The following FOCAD variants were observed in gnomAD, a reference collection of about 807,000 sequenced individuals.
FOCAD encodes the protein focadhesin, also known as KIAA1797.
Under a neutral mutation model 225.6 loss-of-function variants are expected in FOCAD, and 198 were observed. The observed-to-expected ratio is 0.88, with a 90% CI of 0.78 to 0.99. The LOEUF is 0.99. Among genes scored for constraint, FOCAD ranks in the 50% least tolerant of loss-of-function variants. FOCAD has a pLI of 0.00. For synonymous variants in FOCAD, 897 were observed against 755.0 expected, an observed-to-expected ratio of 1.19 and a Z score of -3.08; for missense variants, 2,713 against 2,123.6, an observed-to-expected ratio of 1.28 and a Z score of -5.46.
intron 4 of FOCAD, among the ~76,000 whole-genome samples, chr9:20,733,703 G>C (rs2131619298): frequency 6.6e-6 from 1 of 152,222 alleles, no homozygotes; most frequent in African/African-American, 2.4e-5. Context: ...TTGTGTTCAG[G>C]AAGTCCTTCC....
At chr9:20,759,788 G>T (rs1205981308) in intron 6 of FOCAD, among the ~76,000 whole-genome samples, 3 of 152,200 alleles carry the variant, frequency 2.0e-5, no homozygotes, top group South Asian at 4.1e-4. Flanking sequence ...TTGGTAAGTG[G>T]TTAGGAAAGT....
At chr9:20,728,732 CT>C (rs1826418299) in intron 4 of FOCAD, among the ~76,000 whole-genome samples, 1 of 152,150 alleles carries the variant, frequency 6.6e-6, no homozygotes, top group Non-Finnish European at 1.5e-5. Flanking sequence ...TCCAGCTGAT[CT>C]TTATTGTAGA....
Position 20,878,983 on chromosome 9 carries a change from TG to T in FOCAD, c.2318-2885del, listed in dbSNP as rs1257881031. ...GTTCACCTTCTGCATTTGTTCTCTC[TG>T]GGTCTCTGGACAATTGGATGGTGCC... On this transcript the variant is annotated intron_variant, in intron 19 of 43. Transcript: ENST00000338382. Among the ~76,000 whole-genome samples the T allele has an allele frequency of 3.9e-5, 6 of 152,158 alleles. No homozygotes were observed. The East Asian group carries it at 1.2e-3, about 29-fold the overall frequency.
intron 14 of FOCAD, among the ~76,000 whole-genome samples, chr9:20,821,996 TAAAAAAAAAAAAAAAAA>T (rs58640962): frequency 4.1e-5 from 2 of 49,300 alleles, no homozygotes; most frequent in South Asian, 1.0e-3. Context: ...TAAAAGTTAC[TAAAAAAAAAAAAAAAAA>T]AAAAAAAAAA....
chr9:20,922,598 G>C (rs754042794), intron 24 of FOCAD, among the ~76,000 whole-genome samples: 4 of 152,184 alleles, frequency 2.6e-5, no homozygotes, highest in Non-Finnish European at 5.9e-5. Context: ...GCTCATTTAG[G>C]GAGCAGAGCT....
At chr9:20,668,004 A>AT (rs1821945000) in intron 2 of FOCAD, among the ~76,000 whole-genome samples, 1 of 152,226 alleles carries the variant, frequency 6.6e-6, no homozygotes, top group Non-Finnish European at 1.5e-5. Flanking sequence ...GTATTCTTTT[A>AT]CATTTGCTGA....
chr9:20,808,169 G>T (rs917366088), intron 11 of FOCAD, among the ~76,000 whole-genome samples: 2 of 152,182 alleles, frequency 1.3e-5, no homozygotes, highest in African/African-American at 4.8e-5. Context: ...TTCAAATGGG[G>T]TTTTCATGGT....
chr9:20,748,763 T>G (rs986356341), intron 5 of FOCAD, among the ~76,000 whole-genome samples: 3 of 152,134 alleles, frequency 2.0e-5, no homozygotes, highest in African/African-American at 4.8e-5. Context: ...TCTTTTCCAC[T>G]CAGGAAAGTC....
intron 28 of FOCAD, among the ~76,000 whole-genome samples, chr9:20,944,171 C>T (rs966171001): frequency 2.0e-5 from 3 of 152,214 alleles, no homozygotes; most frequent in African/African-American, 7.2e-5. Flanking sequence ...TTGCATTTAT[C>T]TTCTTTGCTA....
chr9:20,932,823 TG>T (rs1835606257), intron 27 of FOCAD, among the ~76,000 whole-genome samples, 190 bp from the exon 28 acceptor site: 1 of 152,204 alleles, frequency 6.6e-6, no homozygotes, highest in Non-Finnish European at 1.5e-5. Context: ...ATCCAATTAT[TG>T]AATAATTGGT....
At chr9:20,945,595 C>T (rs899484735) in intron 29 of FOCAD, among the ~76,000 whole-genome samples, 1 of 152,172 alleles carries the variant, frequency 6.6e-6, no homozygotes, top group East Asian at 1.9e-4. Flanking sequence ...CTAAGACATG[C>T]ACTACATTTC....
chr9:20,670,683 G>A (rs1822038312), intron 2 of FOCAD, among the ~76,000 whole-genome samples: 2 of 152,116 alleles, frequency 1.3e-5, no homozygotes, highest in Admixed American at 1.3e-4. Flanking sequence ...CTTTGGGGTG[G>A]GGTGGCCAGG....
At chr9:20,781,203 C>A (rs1322827537) in intron 9 of FOCAD, among the ~76,000 whole-genome samples, 2 of 152,184 alleles carry the variant, frequency 1.3e-5, no homozygotes, top group African/African-American at 2.4e-5. Context: ...AAGAACCATT[C>A]ACTAATTTTT....
At chr9:20,837,136 C>T (rs1019939823) in intron 15 of FOCAD, among the ~76,000 whole-genome samples, 1 of 151,966 alleles carries the variant, frequency 6.6e-6, no homozygotes, top group African/African-American at 2.4e-5. Context: ...CTCCATTGCC[C>T]CCGTGCTTTA....
At chr9:20,741,698 T>TTTTAA (rs398010447) in intron 5 of FOCAD, among the ~76,000 whole-genome samples, 1 of 149,682 alleles carries the variant, frequency 6.7e-6, no homozygotes, top group Non-Finnish European at 1.5e-5. Context: ...TTTTTTTTTT[T>TTTTAA]AACATAGTGG....
Position 20,770,015 on chromosome 9 carries a change from A to C in FOCAD, c.700-17A>C. On this transcript the variant is annotated splice_polypyrimidine_tract_variant and intron_variant, in intron 7 of 43. Transcript: ENST00000338382. ...TTTGTGTATTTTTTAATATCATATA[A>C]TGACTTTTTTAAACAGGTAAAAGAT... 6.2e-7 allele frequency: 1 copy of C among 1,603,192 alleles called. No individual in the cohort carries two copies. Among genetic ancestry groups the C allele is most frequent in the African/African-American group, 1.3e-5 (1 of 74,656 alleles).
chr9:20,836,808 T>C (rs1242279858), intron 15 of FOCAD, among the ~76,000 whole-genome samples: 1 of 152,114 alleles, frequency 6.6e-6, no homozygotes, highest in Non-Finnish European at 1.5e-5. Context: ...ATAAGTCATA[T>C]ATGAAACGGG....
intron 34 of FOCAD, chr9:20,952,578 C>T (rs148238279): frequency 4.8e-6 from 1 of 208,538 alleles, no homozygotes; most frequent in East Asian, 1.7e-4. Flanking sequence ...TTCGATTCCA[C>T]ATGTCCTGAA....
At chr9:20,778,867 G>T in intron 9 of FOCAD, 99 bp downstream of exon 9, 3 of 550,752 alleles carry the variant, frequency 5.4e-6, no homozygotes, top group Admixed American at 3.4e-5. Context: ...TGTATTTTGA[G>T]TTTCCATCTG....
Sources: allele counts gnomAD v4.1 joint callset (sites outside exome capture counted in the v4.1 genomes callset), GRCh38; gene constraint gnomAD v4.1.1; transcripts MANE v1.5; gene names NCBI Gene and HGNC (gene_info 2026-07-23, HGNC 2026-07-21).